SLC17A3: variants seen among roughly 807,000 people sequenced by gnomAD.
SLC17A3 encodes solute carrier family 17 member 3.
SLC17A3 carries 61 observed loss-of-function variants against 60.3 expected under a neutral mutation model. The observed-to-expected ratio is 1.01, with a 90% CI of 0.82 to 1.25. SLC17A3 has a LOEUF of 1.25. Ranked by LOEUF, SLC17A3 falls within the 50% of genes most tolerant of loss-of-function variation. The pLI, the probability that SLC17A3 is intolerant of heterozygous loss-of-function variation, is 0.00. For missense variants in SLC17A3, 624 were observed against 594.9 expected (o/e 1.05, Z -0.51); for synonymous variants, 192 against 208.9 (o/e 0.92, Z 0.70).
In SLC17A3 at chr6:25,861,929, C is replaced by G; in HGVS notation, c.404G>C (p.Gly135Ala). The G allele has an allele frequency of 6.2e-7, 1 of 1,612,768 alleles. No individual in the cohort carries two copies. Among genetic ancestry groups the G allele is most frequent in the Non-Finnish European group, 8.5e-7 (1 of 1,179,432 alleles). Residue 135 changes from glycine to alanine, a missense_variant, in exon 4 of 13, where the codon GGA becomes GCA. Physicochemically the swap from Gly to Ala is moderately conservative, Grantham distance 60. Transcript: ENST00000397060. ...AACCACTCGCTTTGTTCCTACTCTT[C>G]CAGCCAGGTATCCACTGGGAGCCAT... ...LTMAPSGYLA[G>A]RVGTKRVVGI...
At chr6:25,873,661 T>C (rs1394439772) in intron 1 of SLC17A3, among the ~76,000 whole-genome samples, 1 of 152,092 alleles carries the variant, frequency 6.6e-6, no homozygotes, top group African/African-American at 2.4e-5. Context: ...TCACTGGATC[T>C]TGATGCAGCA....
intron 5 of SLC17A3, among the ~76,000 whole-genome samples, chr6:25,860,080 T>C (rs1003211870): frequency 1.3e-5 from 2 of 152,200 alleles, no homozygotes; most frequent in Non-Finnish European, 1.5e-5. Context: ...TCTATGTTGT[T>C]TCATGCAGCT....
At position 25,855,152 on chromosome 6, in the gene SLC17A3, T is replaced by C. The variant is rs1765337927; in HGVS notation, c.704A>G (p.Tyr235Cys). ...SETLGWPFVF[Y>C]IFGGVGCVCC... Reference sequence around the variant, plus strand: ...GGGAGATAGTAGCTTACCAAAGATATAGAAGACAAAGGGCCACCCAAGGGT... The same window carrying C: ...GGGAGATAGTAGCTTACCAAAGATACAGAAGACAAAGGGCCACCCAAGGGT... The change falls in exon 6 of 13, where the codon TAT (tyrosine) becomes TGT (cysteine). Residue 235 changes from tyrosine to cysteine, a missense_variant. Physicochemically the swap from Tyr to Cys is radical, Grantham distance 194 (BLOSUM62 -2). Transcript: ENST00000397060. 8 of 1,609,056 alleles carry C rather than the reference T, an allele frequency of 5.0e-6. No individual in the cohort carries two copies. The highest frequency in any genetic ancestry group is 2.2e-5 in the East Asian group (1 of 44,834).
At chr6:25,865,404 T>C (rs752568173) in intron 2 of SLC17A3, among the ~76,000 whole-genome samples, 24 of 151,998 alleles carry the variant, frequency 1.6e-4, no homozygotes, top group Non-Finnish European at 2.9e-4. Context: ...ACATAGTATC[T>C]TTGTAAGGGT....
chr6:25,850,013 A>G (rs769487564), intron 9 of SLC17A3, 35 bp downstream of exon 9: 5 of 1,613,856 alleles, frequency 3.1e-6, no homozygotes, highest in Non-Finnish European at 3.4e-6. Flanking sequence ...GTTGTATGCT[A>G]CGCAAATTAT....
chr6:25,857,842 T>C (rs1765383929), intron 5 of SLC17A3, among the ~76,000 whole-genome samples: 1 of 152,174 alleles, frequency 6.6e-6, no homozygotes, highest in Middle Eastern at 3.2e-3. Flanking sequence ...GGGGACAGGT[T>C]CCTGCATTGC....
chr6:25,858,104 C>T (rs954664468), intron 5 of SLC17A3, among the ~76,000 whole-genome samples: 4 of 152,082 alleles, frequency 2.6e-5, no homozygotes, highest in Non-Finnish European at 5.9e-5. Flanking sequence ...CAACCTCTGC[C>T]TCCTGGGTTC....
intron 2 of SLC17A3, among the ~76,000 whole-genome samples, chr6:25,865,714 T>G (rs1765522403): frequency 6.6e-6 from 1 of 152,000 alleles, no homozygotes; most frequent in Non-Finnish European, 1.5e-5. Flanking sequence ...TAAAAGTTAT[T>G]TGTGTCCTGT....
chr6:25,872,993 C>T (rs940196855), intron 1 of SLC17A3, among the ~76,000 whole-genome samples: 1 of 152,050 alleles, frequency 6.6e-6, no homozygotes, highest in African/African-American at 2.4e-5. Context: ...ACCCACCTCA[C>T]CATGACAGAC....
chr6:25,864,604 T>C (rs1408419233), intron 2 of SLC17A3, among the ~76,000 whole-genome samples: 1 of 148,550 alleles, frequency 6.7e-6, no homozygotes, highest in Non-Finnish European at 1.5e-5. Flanking sequence ...AAGAATGAAG[T>C]TCTGCTTTCC....
At chr6:25,870,198 G>A (rs1765618848) in intron 1 of SLC17A3, among the ~76,000 whole-genome samples, 1 of 151,814 alleles carries the variant, frequency 6.6e-6, no homozygotes, top group Admixed American at 6.6e-5. Context: ...CTTGGCATTG[G>A]GCATTCTAAT....
chr6:25,873,019 A>T (rs931958764), intron 1 of SLC17A3, among the ~76,000 whole-genome samples: 3 of 151,984 alleles, frequency 2.0e-5, no homozygotes, highest in Admixed American at 6.6e-5. Flanking sequence ...CTGCCATGGT[A>T]ACCTCAAAAC....
intron 5 of SLC17A3, among the ~76,000 whole-genome samples, chr6:25,857,126 C>G (rs962394167): frequency 2.6e-5 from 4 of 151,402 alleles, no homozygotes; most frequent in African/African-American, 9.7e-5. Context: ...GAGTTCAAGG[C>G]TGCAGTGAGC....
At position 25,847,290 on chromosome 6, in the gene SLC17A3, T is replaced by C. The variant is rs1433421914; in HGVS notation, c.1363-1774A>G. 6.6e-5 allele frequency among the ~76,000 whole-genome samples: 10 copies of C among 152,216 alleles called. 1 individual carries two copies. The highest frequency in any genetic ancestry group is 1.0e-4 in the Non-Finnish European group (7 of 68,038). The stretch of plus-strand genomic sequence containing the variant: ...AGTATTTCATGGTGTATATGTACCA[T>C]ATTTCTTTATCCAATCTGTCATTGA... On this transcript the variant is annotated intron_variant, in intron 11 of 12. Transcript: ENST00000397060.
chr6:25,860,484 C>T (rs1056132553), intron 5 of SLC17A3, among the ~76,000 whole-genome samples: 2 of 152,118 alleles, frequency 1.3e-5, no homozygotes, highest in Non-Finnish European at 2.9e-5. Flanking sequence ...GGAAAGCAGG[C>T]AGGTTCAGCT....
At chr6:25,857,260 C>T (rs752334477) in intron 5 of SLC17A3, among the ~76,000 whole-genome samples, 14 of 150,426 alleles carry the variant, frequency 9.3e-5, no homozygotes, top group East Asian at 5.8e-4. Flanking sequence ...TAAAGTTGCA[C>T]GTTTTTCTAT....
chr6:25,862,082 TA>T, intron 3 of SLC17A3, 53 bp from the exon 4 acceptor site: 4 of 1,471,856 alleles, frequency 2.7e-6, no homozygotes, highest in Non-Finnish European at 3.7e-6. Flanking sequence ...GGTTCTTACA[TA>T]CCCTAGAAAG....
In SLC17A3 at chr6:25,850,571, A is replaced by G; in HGVS notation, c.881T>C (p.Leu294Pro). The G allele has an allele frequency of 6.2e-7, 1 of 1,613,940 alleles. No homozygotes were observed. The highest frequency in any genetic ancestry group is 1.1e-5 in the South Asian group (1 of 91,068). ...GCCTAAACATATGGACCAAATGGGT[A>G]GAGATCTGAGCATAGCTTTGATGGG... ...PLPIKAMLRS[L>P]PIWSICLGCF... Residue 294 changes from leucine (L) to proline (P), a missense_variant, in exon 8 of 13, where the codon CTA becomes CCA. Leu to Pro is a moderately conservative substitution (Grantham distance 98). Coordinates refer to ENST00000397060, the MANE Select transcript of SLC17A3 (RefSeq NM_001098486.2).
intron 2 of SLC17A3, among the ~76,000 whole-genome samples, chr6:25,866,637 G>T (rs577228371): frequency 6.6e-6 from 1 of 152,010 alleles, no homozygotes; most frequent in South Asian, 2.1e-4. Flanking sequence ...GACTATACAA[G>T]AATTTTGGGA....
Sources: allele counts gnomAD v4.1 joint callset (sites outside exome capture counted in the v4.1 genomes callset), GRCh38; gene constraint gnomAD v4.1.1; transcripts MANE v1.5; gene names NCBI Gene and HGNC (gene_info 2026-07-23, HGNC 2026-07-21).